STK32B: variants seen among roughly 807,000 people sequenced by gnomAD.
STK32B encodes serine/threonine-protein kinase 32B.
A neutral mutation model predicts 52.6 loss-of-function variants in STK32B; 43 were observed. The observed-to-expected ratio is 0.82, with a 90% CI of 0.64 to 1.05. The LOEUF (loss-of-function observed/expected upper bound fraction) is 1.05. STK32B is among the 50% of genes least tolerant of loss of function. STK32B has a pLI of 0.00. For missense variants in STK32B, 621 were observed against 534.6 expected (o/e 1.16, Z -1.59); for synonymous variants, 238 against 204.3 (o/e 1.17, Z -1.41).
chr4:5,051,805 ACATCCCG>A lies in STK32B; in HGVS notation c.-53_-47del. ...CATCCCGCATCTCTGCGCGCGTCCC[ACATCCCG>A]CATCCGGCATCCCAGCGGCCGGGCA... On this transcript the variant is annotated 5_prime_UTR_variant, in exon 1 of 12. Transcript: ENST00000282908. 1.3e-6 allele frequency: 2 copies of A among 1,557,246 alleles called. No individual in the cohort carries two copies. The highest frequency in any genetic ancestry group is 1.7e-6 in the Non-Finnish European group (2 of 1,151,142).
intron 3 of STK32B, among the ~76,000 whole-genome samples, chr4:5,282,233 C>A (rs1169220904): frequency 2.0e-5 from 3 of 152,076 alleles, no homozygotes; most frequent in African/African-American, 7.2e-5. Context: ...TTGTTTTTTA[C>A]CTATACATGA....
At chr4:5,323,903 G>A (rs1223908020) in intron 3 of STK32B, among the ~76,000 whole-genome samples, 3 of 152,174 alleles carry the variant, frequency 2.0e-5, no homozygotes, top group Admixed American at 6.5e-5. Context: ...TCTGGACATG[G>A]ACTATCTTGG....
chr4:5,288,716 T>G (rs1169424099), intron 3 of STK32B, among the ~76,000 whole-genome samples: 1 of 152,208 alleles, frequency 6.6e-6, no homozygotes, highest in Non-Finnish European at 1.5e-5. Context: ...GATAGTGTCC[T>G]TTGGAACACA....
intron 1 of STK32B, among the ~76,000 whole-genome samples, chr4:5,073,023 G>A (rs1711872407): frequency 6.6e-6 from 1 of 151,952 alleles, no homozygotes; most frequent in African/African-American, 2.4e-5. Flanking sequence ...TATGATCACA[G>A]CAGCTTTTTA....
intron 4 of STK32B, among the ~76,000 whole-genome samples, chr4:5,392,249 T>C (rs995584097): frequency 1.3e-5 from 2 of 152,070 alleles, no homozygotes; most frequent in African/African-American, 4.8e-5. Flanking sequence ...AGCATGGTGA[T>C]ACGCCGTCTC....
At chr4:5,035,135 A>C in the STK32B span, among the ~76,000 whole-genome samples, 1 of 152,110 alleles carries the variant, frequency 6.6e-6, no homozygotes, top group African/African-American at 2.4e-5. Context: ...CAGCAACAGA[A>C]CTTCAGAACC....
chr4:5,310,895 A>G (rs760738728), intron 3 of STK32B, among the ~76,000 whole-genome samples: 2 of 152,198 alleles, frequency 1.3e-5, no homozygotes, highest in Non-Finnish European at 2.9e-5. Flanking sequence ...GGCAACATGG[A>G]TGAGCTTGAT....
intron 2 of STK32B, among the ~76,000 whole-genome samples, chr4:5,156,160 A>G (rs899607774): frequency 3.3e-5 from 5 of 151,886 alleles, no homozygotes; most frequent in Admixed American, 3.3e-4. Context: ...GTATATGTGT[A>G]TACATATACA....
In STK32B at chr4:5,159,664, A is replaced by AAT. The variant is rs1301080815; in HGVS notation, c.109-8634_109-8633dup. 1.5e-4 allele frequency among the ~76,000 whole-genome samples: 10 copies of AAT among 68,386 alleles called. No homozygotes were observed. The East Asian group carries it at 1.7e-3, about 12-fold the overall frequency. 44.9% of individuals were successfully genotyped at this position (68,386 alleles called of 152,430 possible). ...ATGAATGTATATGAATATATATATG[A>AAT]ATGTATATGAATATATATATGAATA... On this transcript the variant is annotated intron_variant, in intron 2 of 11. Coordinates refer to ENST00000282908, the MANE Select transcript of STK32B (RefSeq NM_018401.3).
chr4:5,322,323 T>C (rs374015414), intron 3 of STK32B, among the ~76,000 whole-genome samples: 1 of 152,180 alleles, frequency 6.6e-6, no homozygotes, highest in South Asian at 2.1e-4. Context: ...AGGCTATTCT[T>C]AGCTCCTCTC....
At chr4:5,198,146 C>A (rs865899337) in intron 3 of STK32B, among the ~76,000 whole-genome samples, 3 of 152,148 alleles carry the variant, frequency 2.0e-5, no homozygotes, top group African/African-American at 7.2e-5. Flanking sequence ...TGTTGCCTAA[C>A]AATGGATACT....
chr4:5,429,459 T>C (rs1304302022), intron 6 of STK32B, among the ~76,000 whole-genome samples: 10 of 152,114 alleles, frequency 6.6e-5, no homozygotes, highest in Admixed American at 6.5e-4. Flanking sequence ...TAAAAAACAA[T>C]ATACATCTTC....
intron 11 of STK32B, among the ~76,000 whole-genome samples, chr4:5,473,002 T>G (rs901890898): frequency 6.6e-6 from 1 of 152,120 alleles, no homozygotes; most frequent in Non-Finnish European, 1.5e-5. Flanking sequence ...CTCCAGATAT[T>G]GCCAAACGTT....
At chr4:5,129,419 G>C (rs1289216366) in intron 1 of STK32B, among the ~76,000 whole-genome samples, 1 of 152,138 alleles carries the variant, frequency 6.6e-6, no homozygotes, top group Non-Finnish European at 1.5e-5. Context: ...ATCACTAGAG[G>C]TTTTGTCTCT....
At position 5,446,708 on chromosome 4, in the gene STK32B, C is replaced by A. The variant is rs2109122370; in HGVS notation, c.598C>A (p.Pro200Thr). The A allele has an allele frequency of 2.5e-6, 4 of 1,614,102 alleles. No individual in the cohort carries two copies. Among genetic ancestry groups the A allele is most frequent in the Non-Finnish European group, 3.4e-6 (4 of 1,180,012 alleles). Residue 200 changes from proline to threonine, a missense_variant, in exon 7 of 12, where the codon CCC (proline) becomes ACC (threonine). Transcript: ENST00000282908. ...EVFQVYMDRG[P>T]GYSYPVDWWS... ...ATTCCAGGTGTACATGGACAGAGGCCCCGGATACTCGTACCCTGTCGACTG... is the reference window on the plus strand; with the variant it reads ...ATTCCAGGTGTACATGGACAGAGGCACCGGATACTCGTACCCTGTCGACTG...
At chr4:5,079,183 T>C (rs908554716) in intron 1 of STK32B, among the ~76,000 whole-genome samples, 6 of 152,180 alleles carry the variant, frequency 3.9e-5, no homozygotes, top group East Asian at 1.9e-4. Flanking sequence ...TACTCCATCA[T>C]TGGGCCATAC....
chr4:5,482,620 T>G (rs1440653952), intron 11 of STK32B, among the ~76,000 whole-genome samples: 1 of 152,210 alleles, frequency 6.6e-6, no homozygotes, highest in African/African-American at 2.4e-5. Flanking sequence ...CTTCCAACAC[T>G]ATATTGAATA....
intron 6 of STK32B, among the ~76,000 whole-genome samples, chr4:5,433,308 C>T (rs1193391694): frequency 1.3e-5 from 2 of 152,132 alleles, no homozygotes; most frequent in African/African-American, 4.8e-5. Flanking sequence ...GCTGAAAAGA[C>T]CCTTGCGGCT....
chr4:5,336,624 A>G (rs537741868), intron 4 of STK32B, among the ~76,000 whole-genome samples: 1 of 152,334 alleles, frequency 6.6e-6, no homozygotes, highest in Non-Finnish European at 1.5e-5. Flanking sequence ...GCAGAAATTT[A>G]AAGAACTCAA....
Sources: gnomAD v4.1 joint callset for allele counts (sites outside exome capture counted in the v4.1 genomes callset) on GRCh38, gnomAD v4.1.1 for gene constraint, MANE v1.5 for transcripts, NCBI Gene and HGNC (gene_info 2026-07-23, HGNC 2026-07-21) for gene names.